The following SPTBN1 variants were observed in gnomAD, a reference collection of about 807,000 sequenced individuals.
SPTBN1 encodes the protein spectrin beta chain, non-erythrocytic 1.
A neutral mutation model predicts 266.4 loss-of-function variants in SPTBN1; 32 were observed. The observed-to-expected ratio is 0.12, with a 90% CI of 0.09 to 0.16. The LOEUF (loss-of-function observed/expected upper bound fraction) is 0.16. Among genes scored for constraint, SPTBN1 ranks in the 10% least tolerant of loss-of-function variants. SPTBN1 has a pLI of 1.00. For synonymous variants in SPTBN1, 1,336 were observed against 1,162.2 expected, an observed-to-expected ratio of 1.15 and a Z score of -3.04; for missense variants, 2,296 against 3,067.1, an observed-to-expected ratio of 0.75 and a Z score of 5.94.
At chr2:54,634,358 C>T (rs1678968092) in intron 17 of SPTBN1, among the ~76,000 whole-genome samples, 1 of 152,214 alleles carries the variant, frequency 6.6e-6, no homozygotes, top group Non-Finnish European at 1.5e-5. Context: ...TCATTTTGCC[C>T]TTGACCAAGA....
At chr2:54,522,076 A>T (rs1190912924) in intron 1 of SPTBN1, among the ~76,000 whole-genome samples, 379 of 144,792 alleles carry the variant, frequency 2.6e-3, no homozygotes, top group Non-Finnish European at 3.8e-3. Flanking sequence ...TTTTTTTTTT[A>T]TTTTTGTGGA....
rs1304174462 is a variant in SPTBN1, at chr2:54,645,596, A to C, written c.4494+143A>C. The C allele has an allele frequency of 2.4e-6, 2 of 832,812 alleles. No individual in the cohort carries two copies. The highest frequency in any genetic ancestry group is 3.4e-5 in the African/African-American group (2 of 58,144). 51.6% of individuals were successfully genotyped at this position (832,812 alleles called of 1,614,324 possible). The stretch of plus-strand genomic sequence containing the variant: ...CAAAGTCCACGCTCTGGATGGTCTA[A>C]AGTTTCTTTCCCTTTTCACCCTAAA... On this transcript the variant is annotated intron_variant, in intron 21 of 35. Coordinates refer to ENST00000356805, the MANE Select transcript of SPTBN1 (RefSeq NM_003128.3). This position sits in a 1 kb window ranked among gnomAD's most constrained non-coding sequence, Gnocchi z 4.3.
At chr2:54,586,149 C>T (rs771447151) in intron 2 of SPTBN1, among the ~76,000 whole-genome samples, 2 of 152,136 alleles carry the variant, frequency 1.3e-5, no homozygotes. Context: ...GGTTTGGAGA[C>T]GACTTTACCC....
chr2:54,556,637 G>A (rs1447252305), intron 2 of SPTBN1, among the ~76,000 whole-genome samples: 3 of 142,880 alleles, frequency 2.1e-5, no homozygotes, highest in Non-Finnish European at 4.5e-5. Context: ...TCATTGAGAC[G>A]GTTCCCAATT....
At chr2:54,563,764 C>T (rs970101078) in intron 2 of SPTBN1, among the ~76,000 whole-genome samples, 12 of 151,726 alleles carry the variant, frequency 7.9e-5, no homozygotes, top group Admixed American at 2.6e-4. Context: ...CCACCACGCC[C>T]GGCTAATTTT....
chr2:54,654,387 G>A (rs1438996727), intron 27 of SPTBN1, among the ~76,000 whole-genome samples: 1 of 152,150 alleles, frequency 6.6e-6, no homozygotes, highest in Non-Finnish European at 1.5e-5. Flanking sequence ...ATGCAAATTA[G>A]TGAAGAGAAG....
At chr2:54,511,181 A>G (rs1264839835) in intron 1 of SPTBN1, among the ~76,000 whole-genome samples, 1 of 152,222 alleles carries the variant, frequency 6.6e-6, no homozygotes, top group African/African-American at 2.4e-5. Flanking sequence ...TTTAGGCACC[A>G]TCGCTCATTT....
intron 1 of SPTBN1, among the ~76,000 whole-genome samples, chr2:54,513,308 G>A (rs1340187842): frequency 1.3e-5 from 2 of 152,176 alleles, no homozygotes; most frequent in African/African-American, 2.4e-5. Flanking sequence ...GGTTTTCAGT[G>A]TAGTTTTACA....
chr2:54,523,744 C>T (rs1361204928), intron 1 of SPTBN1, among the ~76,000 whole-genome samples: 2 of 152,240 alleles, frequency 1.3e-5, no homozygotes, highest in East Asian at 1.9e-4. Context: ...TTGAATGATC[C>T]TTCTGTGTTG....
At chr2:54,551,178 T>A (rs983793704) in intron 2 of SPTBN1, among the ~76,000 whole-genome samples, 10 of 152,228 alleles carry the variant, frequency 6.6e-5, no homozygotes, top group African/African-American at 1.2e-4. Context: ...CATATCACTC[T>A]TGTAAAACTC....
At chr2:54,465,983 T>C (rs1354558947) in intron 1 of SPTBN1, among the ~76,000 whole-genome samples, 1 of 152,204 alleles carries the variant, frequency 6.6e-6, no homozygotes, top group Non-Finnish European at 1.5e-5. Flanking sequence ...GAAGAAGCTT[T>C]CAGGATTAAT....
intron 7 of SPTBN1, among the ~76,000 whole-genome samples, chr2:54,620,253 G>A (rs1057259281): frequency 6.6e-6 from 1 of 152,124 alleles, no homozygotes; most frequent in Non-Finnish European, 1.5e-5. Context: ...TCATAACCTG[G>A]CAAAAAGTGG....
At chr2:54,579,540 G>C (rs1168970303) in intron 2 of SPTBN1, among the ~76,000 whole-genome samples, 1 of 152,172 alleles carries the variant, frequency 6.6e-6, no homozygotes, top group Admixed American at 6.5e-5. Flanking sequence ...CTTAATACCT[G>C]AACTGTGGAC....
At chr2:54,503,879 G>A (rs1239667643) in intron 1 of SPTBN1, among the ~76,000 whole-genome samples, 1 of 152,088 alleles carries the variant, frequency 6.6e-6, no homozygotes, top group African/African-American at 2.4e-5. Flanking sequence ...ATCTATATAT[G>A]GAAGATGTTA....
chr2:54,556,401 A>C (rs889856480), intron 2 of SPTBN1, among the ~76,000 whole-genome samples: 1 of 152,212 alleles, frequency 6.6e-6, no homozygotes, highest in Non-Finnish European at 1.5e-5. Context: ...ATTATGTGCA[A>C]CCTGGTTAAT....
rs1572796287 is a variant in SPTBN1, at chr2:54,670,233, G to A, written c.*1664G>A. On this transcript the variant is annotated 3_prime_UTR_variant, in exon 36 of 36. Coordinates refer to ENST00000356805, the MANE Select transcript of SPTBN1 (RefSeq NM_003128.3). ...AAGAAAAAAAAAAAACAGGCAAGAGGTTAGGTTTGGCCCATGGGCCATAGT... is the reference window on the plus strand; with the variant it reads ...AAGAAAAAAAAAAAACAGGCAAGAGATTAGGTTTGGCCCATGGGCCATAGT... 2 of 154,322 alleles carry A rather than the reference G, an allele frequency of 1.3e-5. No homozygotes were observed. The highest frequency in any genetic ancestry group is 6.5e-5 in the Admixed American group (1 of 15,352). 9.6% of individuals were successfully genotyped at this position (154,322 alleles called of 1,614,324 possible). A position where few individuals can be genotyped will look rare whatever the true frequency, so the allele number is the denominator to read the frequency against.
intron 1 of SPTBN1, among the ~76,000 whole-genome samples, chr2:54,487,170 C>CTTTT (rs34779689): frequency 1.1e-3 from 110 of 98,362 alleles, no homozygotes; most frequent in African/African-American, 2.9e-3. Context: ...ATTAGGATTT[C>CTTTT]TTTTTTTTTT....
In SPTBN1 at chr2:54,598,737, C is replaced by T. The variant is rs997875664; in HGVS notation, c.149-355C>T. 4.6e-5 allele frequency among the ~76,000 whole-genome samples: 7 copies of T among 152,308 alleles called. No homozygotes were observed. In the East Asian group the frequency reaches 1.3e-3, roughly 29 times the overall value. On this transcript the variant is annotated intron_variant, in intron 2 of 35. Transcript: ENST00000356805. Reference sequence around the variant, plus strand: ...GGACCCTGTTGTCATCTGCATCCTGCTGCCTCTTCAGCAGGGATGGGAGAA... The same window carrying T: ...GGACCCTGTTGTCATCTGCATCCTGTTGCCTCTTCAGCAGGGATGGGAGAA...
At position 54,581,577 on chromosome 2, in the gene SPTBN1, CTTTT is replaced by C. The variant is rs70944181; in HGVS notation, c.149-17495_149-17492del. Among the ~76,000 whole-genome samples, 203 of 102,658 alleles carry C rather than the reference CTTTT, an allele frequency of 2.0e-3. 1 individual carries two copies. Among genetic ancestry groups the C allele is most frequent in the African/African-American group, 7.3e-3 (178 of 24,416 alleles). The allele number at this position is 102,658 out of a possible 152,430, so 67.3% of individuals were successfully genotyped here. A position where few individuals can be genotyped will look rare whatever the true frequency, so the allele number is the denominator to read the frequency against. ...GCCTTCATGCTTTGGTTTCTTTGCC[CTTTT>C]TTTTTTTTTTTTTTTTTTTGAAACT... On this transcript the variant is annotated intron_variant, in intron 2 of 35. Transcript: ENST00000356805.
Sources: gnomAD v4.1 joint callset for allele counts (sites outside exome capture counted in the v4.1 genomes callset) on GRCh38, gnomAD v4.1.1 for gene constraint, Gnocchi (gnomAD v3.1) non-coding constraint, MANE v1.5 for transcripts, NCBI Gene and HGNC (gene_info 2026-07-23, HGNC 2026-07-21) for gene names.